The following EIF4B variants were observed in gnomAD, a reference collection of about 807,000 sequenced individuals.
EIF4B encodes eukaryotic translation initiation factor 4B.
Under a neutral mutation model 79.3 loss-of-function variants are expected in EIF4B, and 8 were observed. That is an observed-to-expected ratio of 0.10 (90% CI 0.06 to 0.18). The LOEUF is 0.18. EIF4B is among the 10% of genes least tolerant of loss of function. The pLI, the probability that EIF4B is intolerant of heterozygous loss-of-function variation, is 1.00. For missense variants in EIF4B, 515 were observed against 792.4 expected, an observed-to-expected ratio of 0.65 and a Z score of 4.20; for synonymous variants, 238 against 274.7, an observed-to-expected ratio of 0.87 and a Z score of 1.32.
rs778212529 is a variant in EIF4B at position 53,028,135 on chromosome 12, C to T, written c.926C>T (p.Ser309Leu). The part of the protein sequence containing the change: ...EDRYDRRDDR[S>L]WSSRDDYSRD... Reference sequence around the variant, plus strand: ...CGATATGACAGACGGGATGATCGGTCGTGGAGCTCCAGAGATGATTACTCT... The same window carrying T: ...CGATATGACAGACGGGATGATCGGTTGTGGAGCTCCAGAGATGATTACTCT... The change falls in exon 8 of 15, where the codon TCG (serine) becomes TTG (leucine). Residue 309 changes from serine (S) to leucine (L), a missense_variant. This residue lies in a region of EIF4B where 187 missense variants were observed against 256.5 expected (regional missense o/e 0.73). Coordinates refer to ENST00000262056, the MANE Select transcript of EIF4B (RefSeq NM_001417.7). The T allele has an allele frequency of 1.5e-5, 24 of 1,613,534 alleles. No individual in the cohort carries two copies. Among genetic ancestry groups the T allele is most frequent in the Non-Finnish European group, 2.0e-5 (24 of 1,179,848 alleles).
intron 8 of EIF4B, among the ~76,000 whole-genome samples, chr12:53,032,185 C>A (rs1293750985): frequency 6.6e-6 from 1 of 152,164 alleles, no homozygotes; most frequent in Non-Finnish European, 1.5e-5. Context: ...TGGCTCACAT[C>A]TGTAACAGCA....
rs1477504783 is a variant in EIF4B at position 53,040,132 on chromosome 12, TTG to T, written c.1756-7_1756-6del. ...GGCCTTCATTATCCTGTCACTCTCG[TTG>T]TGTTACAGAAGTTCAGTTCTGCAAG... On this transcript the variant is annotated splice_polypyrimidine_tract_variant and intron_variant, in intron 14 of 14. Coordinates refer to ENST00000262056, the MANE Select transcript of EIF4B (RefSeq NM_001417.7). The T allele has an allele frequency of 6.2e-7, 1 of 1,614,014 alleles. No homozygotes were observed. Among genetic ancestry groups the T allele is most frequent in the Non-Finnish European group, 8.5e-7 (1 of 1,179,974 alleles).
intron 6 of EIF4B, chr12:53,025,276 GT>G: frequency 2.2e-6 from 1 of 455,458 alleles, no homozygotes; most frequent in Non-Finnish European, 4.4e-6. Flanking sequence ...CAAGGGTCCT[GT>G]TTTGAGTCCA....
At chr12:53,021,712 C>G (rs1032956217) in intron 4 of EIF4B, 94 bp from the exon 5 acceptor site, 1 of 1,392,766 alleles carries the variant, frequency 7.2e-7, no homozygotes. Flanking sequence ...CTTCCTTCCC[C>G]TAGTGCTTCT....
chr12:53,037,229 A>G (rs1044381689), intron 10 of EIF4B, among the ~76,000 whole-genome samples, 180 bp from the exon 11 acceptor site: 3 of 152,244 alleles, frequency 2.0e-5, no homozygotes, highest in South Asian at 2.1e-4. Flanking sequence ...TATTTTTTCT[A>G]TTTCTCTGTG....
intron 1 of EIF4B, among the ~76,000 whole-genome samples, chr12:53,007,087 A>G (rs1423152945): frequency 6.6e-6 from 1 of 152,146 alleles, no homozygotes; most frequent in Non-Finnish European, 1.5e-5. Context: ...CCCAGATGGG[A>G]AGCTTTTTAA....
chr12:53,030,701 C>T (rs1371492925), intron 8 of EIF4B, among the ~76,000 whole-genome samples: 4 of 151,706 alleles, frequency 2.6e-5, no homozygotes, highest in African/African-American at 7.3e-5. Context: ...TGGGCCACTG[C>T]GCCCAGTGAA....
intron 1 of EIF4B, among the ~76,000 whole-genome samples, chr12:53,015,807 T>G (rs1943140002): frequency 6.6e-6 from 1 of 151,714 alleles, no homozygotes; most frequent in African/African-American, 2.4e-5. Flanking sequence ...TGAAACCCCG[T>G]CTCTACTAAA....
chr12:53,019,272 G>A (rs1219702290), intron 3 of EIF4B, among the ~76,000 whole-genome samples: 4 of 151,840 alleles, frequency 2.6e-5, no homozygotes, highest in South Asian at 4.2e-4. Flanking sequence ...GGTGGTACAC[G>A]TCTGTAATCC....
rs770531670 is a variant in EIF4B at position 53,021,817 on chromosome 12, C to T, written c.489C>T (p.Asn163=). ...ALSLNEESLG[N]RRIRVDVADQ... is the part of the protein sequence containing the mutation. ...TCCTATGCTCTCAGTCTCTAGGTAACAGGAGAATTCGAGTGGACGTTGCTG... is the reference window on the plus strand; with the variant it reads ...TCCTATGCTCTCAGTCTCTAGGTAATAGGAGAATTCGAGTGGACGTTGCTG... The change falls in exon 5 of 15, where the codon AAC becomes AAT. Residue 163 remains asparagine, a synonymous_variant. Transcript: ENST00000262056. 6.2e-7 allele frequency: 1 copy of T among 1,614,128 alleles called. No individual in the cohort carries two copies. Among genetic ancestry groups the T allele is most frequent in the Non-Finnish European group, 8.5e-7 (1 of 1,180,020 alleles).
chr12:53,021,134 A>G (rs1049271787), intron 4 of EIF4B, among the ~76,000 whole-genome samples: 1 of 152,238 alleles, frequency 6.6e-6, no homozygotes, highest in Non-Finnish European at 1.5e-5. Flanking sequence ...AATTGGGTTC[A>G]AAGTATATAA....
chr12:53,007,445 T>TTTTTTTTTTTTTTTTA lies in EIF4B; in HGVS notation c.13+952_13+953insTTTTTTTTTTTTATTT, dbSNP rs1555195258. 9.1e-5 allele frequency among the ~76,000 whole-genome samples: 11 copies of TTTTTTTTTTTTTTTTA among 120,768 alleles called. 5 individuals carry two copies. The highest frequency in any genetic ancestry group is 9.9e-5 in the Non-Finnish European group (6 of 60,382). 79.2% of individuals were successfully genotyped at this position (120,768 alleles called of 152,430 possible). On this transcript the variant is annotated intron_variant, in intron 1 of 14. Transcript: ENST00000262056. ...CTTTTTTTTTTTTTTTTTTTTTTTT[T>TTTTTTTTTTTTTTTTA]TTTAAGGTAACTGTGCAACTACCAG...
intron 1 of EIF4B, 36 bp from the exon 2 acceptor site, chr12:53,016,437 A>T: frequency 6.2e-7 from 1 of 1,611,350 alleles, no homozygotes; most frequent in South Asian, 1.1e-5. Context: ...ATACCTGAGT[A>T]TTGGTGAATA....
In EIF4B at chr12:53,039,640, A is replaced by G; in HGVS notation, c.1693A>G (p.Lys565Glu). Residue 565 changes from lysine (K) to glutamate (E), a missense_variant, in exon 14 of 15, where the codon AAA (lysine) becomes GAA (glutamate). Transcript: ENST00000262056. ...HWKESDRKDG[K>E]KDQDSRSAPE... ...CTTACGTCTCTGCAGGAAAGATGGC[A>G]AAAAGGATCAAGACTCCAGATCTGC... 6.2e-7 allele frequency: 1 copy of G among 1,613,832 alleles called. No homozygotes were observed. Among genetic ancestry groups the G allele is most frequent in the African/African-American group, 1.3e-5 (1 of 75,028 alleles).
In EIF4B at chr12:53,012,481, G is replaced by A. The variant is rs1274786351; in HGVS notation, c.14-3992G>A. ...AGGCAGGAGAATCGCTTGAACCCGGGAGGCGGAGGTTTCGGTGAGCCGAGA... is the reference window on the plus strand; with the variant it reads ...AGGCAGGAGAATCGCTTGAACCCGGAAGGCGGAGGTTTCGGTGAGCCGAGA... On this transcript the variant is annotated intron_variant, in intron 1 of 14. Coordinates refer to ENST00000262056, the MANE Select transcript of EIF4B (RefSeq NM_001417.7). Among the ~76,000 whole-genome samples the A allele has an allele frequency of 4.6e-5, 7 of 151,604 alleles. No homozygotes were observed. The East Asian group carries it at 1.2e-3, about 25-fold the overall frequency.
chr12:53,017,854 G>C (rs1592216956), intron 2 of EIF4B, among the ~76,000 whole-genome samples: 1 of 152,260 alleles, frequency 6.6e-6, no homozygotes, highest in East Asian at 1.9e-4. Context: ...GCCTCCCAAA[G>C]TGCTGGGATT....
intron 1 of EIF4B, among the ~76,000 whole-genome samples, chr12:53,010,989 T>A (rs1943055356): frequency 6.6e-6 from 1 of 152,200 alleles, no homozygotes; most frequent in South Asian, 2.1e-4. Flanking sequence ...TTGGACCGTG[T>A]GCAGTGGCTC....
intron 2 of EIF4B, among the ~76,000 whole-genome samples, chr12:53,017,606 A>AT (rs1943169666): frequency 1.3e-5 from 2 of 151,948 alleles, no homozygotes; most frequent in South Asian, 2.1e-4. Context: ...AAAACAGGAA[A>AT]TTTTTTTTGA....
At chr12:53,028,685 A>G (rs1592223714) in intron 8 of EIF4B, among the ~76,000 whole-genome samples, 2 of 151,978 alleles carry the variant, frequency 1.3e-5, no homozygotes, top group Admixed American at 1.3e-4. Context: ...GTAGAAATGG[A>G]AAAAAAAGTT....
Sources: allele counts gnomAD v4.1 joint callset (sites outside exome capture counted in the v4.1 genomes callset), GRCh38; gene constraint gnomAD v4.1.1; regional missense constraint gnomAD v4.1.1; transcripts MANE v1.5; gene names NCBI Gene and HGNC (gene_info 2026-07-23, HGNC 2026-07-21).